MAN1C1: variants seen among roughly 807,000 people sequenced by gnomAD.
MAN1C1 encodes the protein mannosidase alpha class 1C member 1.
Under a neutral mutation model 71.5 loss-of-function variants are expected in MAN1C1, and 49 were observed. The observed-to-expected ratio is 0.69, with a 90% CI of 0.54 to 0.87. The LOEUF is 0.87. Among genes scored for constraint, MAN1C1 ranks in the 40% least tolerant of loss-of-function variants. MAN1C1 has a pLI of 0.00. For missense variants in MAN1C1, 743 were observed against 835.0 expected (o/e 0.89, Z 1.36); for synonymous variants, 352 against 343.7 (o/e 1.02, Z -0.27).
At chr1:25,771,849 C>A in intron 8 of MAN1C1, 77 bp downstream of exon 8, 1 of 1,143,994 alleles carries the variant, frequency 8.7e-7, no homozygotes, top group Non-Finnish European at 1.3e-6. Context: ...GAGGGTGCTG[C>A]GGGCAGCGGG....
intron 1 of MAN1C1, among the ~76,000 whole-genome samples, chr1:25,680,187 T>G (rs907007363): frequency 2.6e-5 from 4 of 151,940 alleles, no homozygotes; most frequent in Non-Finnish European, 5.9e-5. Flanking sequence ...CTCAGCCTCC[T>G]AAGTACCTGG....
rs772618301 is a variant in MAN1C1 at position 25,677,846 on chromosome 1, C to CTTTT, written c.541-8570_541-8567dup. 6.1e-5 allele frequency among the ~76,000 whole-genome samples: 6 copies of CTTTT among 98,304 alleles called. 1 individual carries two copies. Among genetic ancestry groups the CTTTT allele is most frequent in the African/African-American group, 1.1e-4 (2 of 18,842 alleles). 64.5% of individuals were successfully genotyped at this position (98,304 alleles called of 152,430 possible). On this transcript the variant is annotated intron_variant, in intron 1 of 11. Coordinates refer to ENST00000374332, the MANE Select transcript of MAN1C1 (RefSeq NM_020379.4). ...TCTGACTCCCTGCTGTAAAGACCTC[C>CTTTT]TTTTTTTTTTTTTTTTTTTTTTTTT...
At chr1:25,641,618 T>C (rs1202682639) in intron 1 of MAN1C1, among the ~76,000 whole-genome samples, 1 of 152,238 alleles carries the variant, frequency 6.6e-6, no homozygotes, top group Non-Finnish European at 1.5e-5. Flanking sequence ...GCAAATTTAA[T>C]TGGTCTTGGG....
At chr1:25,752,911 G>A (rs1034936210) in intron 4 of MAN1C1, among the ~76,000 whole-genome samples, 1 of 152,196 alleles carries the variant, frequency 6.6e-6, no homozygotes, top group South Asian at 2.1e-4. Flanking sequence ...GGAAACTGTC[G>A]CCCAGGAGGA....
At chr1:25,768,562 T>C (rs1286732630) in intron 7 of MAN1C1, among the ~76,000 whole-genome samples, 7 of 28,888 alleles carry the variant, frequency 2.4e-4, no homozygotes, top group Admixed American at 8.4e-4. Flanking sequence ...ACACATTACA[T>C]ACACTCCCCC....
rs559887585 is a variant in MAN1C1 at position 25,701,830 on chromosome 1, C to T, written c.637+15294C>T. On this transcript the variant is annotated intron_variant, in intron 2 of 11. Coordinates refer to ENST00000374332, the MANE Select transcript of MAN1C1 (RefSeq NM_020379.4). ...ATCCCGGCACTTTGGGAGGCCCAGG[C>T]GGGTGGATCACTTGAGGTCAGGAGT... Among the ~76,000 whole-genome samples, 64 of 152,256 alleles carry T rather than the reference C, an allele frequency of 4.2e-4. 1 individual carries two copies. In the South Asian group the frequency reaches 0.013, roughly 30 times the overall value.
At chr1:25,627,361 A>C (rs888490937) in intron 1 of MAN1C1, among the ~76,000 whole-genome samples, 1 of 150,892 alleles carries the variant, frequency 6.6e-6, no homozygotes, top group African/African-American at 2.4e-5. Context: ...AGCTCACTCC[A>C]CCTCCCAGAT....
At chr1:25,727,910 A>G (rs996180118) in intron 2 of MAN1C1, among the ~76,000 whole-genome samples, 3 of 152,244 alleles carry the variant, frequency 2.0e-5, no homozygotes, top group African/African-American at 7.2e-5. Context: ...GTGCAGACAC[A>G]TGACAAGGCT....
intron 1 of MAN1C1, among the ~76,000 whole-genome samples, chr1:25,636,739 A>G (rs1370192051): frequency 6.6e-6 from 1 of 152,256 alleles, no homozygotes; most frequent in Non-Finnish European, 1.5e-5. Flanking sequence ...AGATTAAAGT[A>G]AGACAGGCAT....
At chr1:25,637,022 G>A (rs2045471671) in intron 1 of MAN1C1, among the ~76,000 whole-genome samples, 1 of 152,160 alleles carries the variant, frequency 6.6e-6, no homozygotes, top group Non-Finnish European at 1.5e-5. Flanking sequence ...GGGCATGGTG[G>A]CATGTGCCTG....
At chr1:25,703,767 G>A (rs1417505600) in intron 2 of MAN1C1, among the ~76,000 whole-genome samples, 1 of 152,182 alleles carries the variant, frequency 6.6e-6, no homozygotes, top group Non-Finnish European at 1.5e-5. Context: ...GATGCCTGGG[G>A]GCTAATCCTA....
At chr1:25,767,811 T>A (rs1409572940) in intron 7 of MAN1C1, among the ~76,000 whole-genome samples, 1 of 92,268 alleles carries the variant, frequency 1.1e-5, no homozygotes, top group African/African-American at 4.5e-5. Context: ...TCCCCTCACG[T>A]ACATCCACAC....
intron 7 of MAN1C1, among the ~76,000 whole-genome samples, chr1:25,768,710 C>T (rs376427355): frequency 7.6e-6 from 1 of 130,766 alleles, no homozygotes; most frequent in Non-Finnish European, 1.7e-5. Context: ...ACACACACTA[C>T]ATACACTCCC....
At chr1:25,728,328 C>T (rs899453464) in intron 2 of MAN1C1, among the ~76,000 whole-genome samples, 3 of 152,180 alleles carry the variant, frequency 2.0e-5, no homozygotes, top group Non-Finnish European at 2.9e-5. Flanking sequence ...CCATGACAGA[C>T]GGATCTCTGT....
chr1:25,679,950 A>AAAATATATAT (rs1285307256), intron 1 of MAN1C1, among the ~76,000 whole-genome samples: 122 of 117,196 alleles, frequency 1.0e-3, no homozygotes, highest in African/African-American at 4.4e-3. Context: ...AAAAAAAAAA[A>AAAATATATAT]ATATATATAT....
At chr1:25,738,626 C>CT (rs1439788905) in intron 2 of MAN1C1, among the ~76,000 whole-genome samples, 4 of 152,338 alleles carry the variant, frequency 2.6e-5, no homozygotes, top group South Asian at 2.1e-4. Context: ...AAGGCTGAGG[C>CT]TGACTCGACA....
chr1:25,643,247 TTA>T (rs879547095), intron 1 of MAN1C1, among the ~76,000 whole-genome samples: 12,660 of 145,956 alleles, frequency 0.087, 1,196 homozygotes, highest in East Asian at 0.23. Flanking sequence ...AATTAATTAA[TTA>T]ATTAATTTAT....
In MAN1C1 at chr1:25,617,966, C is replaced by T. The variant is rs527879949; in HGVS notation, c.169C>T (p.Arg57Trp). 3.7e-6 allele frequency: 6 copies of T among 1,608,378 alleles called. No individual in the cohort carries two copies. Among genetic ancestry groups the T allele is most frequent in the Admixed American group, 1.7e-5 (1 of 59,708 alleles). The change falls in exon 1 of 12, where the codon CGG becomes TGG. Residue 57 changes from arginine to tryptophan, a missense_variant. Arg to Trp is a moderately radical substitution (Grantham distance 101). Transcript: ENST00000374332. This position sits in a 1 kb window ranked among gnomAD's most constrained non-coding sequence, Gnocchi z 5.1. ...SRLKRLFLAP[R>W]TQQPGLEVVA... Reference sequence around the variant, plus strand: ...CCTCAAGCGCCTCTTCCTGGCCCCCCGGACCCAGCAGCCTGGTCTGGAAGT... The same window carrying T: ...CCTCAAGCGCCTCTTCCTGGCCCCCTGGACCCAGCAGCCTGGTCTGGAAGT...
intron 9 of MAN1C1, among the ~76,000 whole-genome samples, chr1:25,780,520 C>A (rs1572216550): frequency 1.3e-5 from 2 of 152,236 alleles, no homozygotes; most frequent in Non-Finnish European, 2.9e-5. Flanking sequence ...ATAAATCCTG[C>A]AGATGGGAGA....
Sources: gnomAD v4.1 joint callset for allele counts (sites outside exome capture counted in the v4.1 genomes callset) on GRCh38, gnomAD v4.1.1 for gene constraint, Gnocchi (gnomAD v3.1) non-coding constraint, MANE v1.5 for transcripts, NCBI Gene and HGNC (gene_info 2026-07-23, HGNC 2026-07-21) for gene names.